Variants in MTF1 observed in about 807,000 individuals in gnomAD.
MTF1 encodes the protein metal regulatory transcription factor 1, also known as MRE-binding transcription factor.
Under a neutral mutation model 70.4 loss-of-function variants are expected in MTF1, and 22 were observed. That is an observed-to-expected ratio of 0.31 (90% confidence interval 0.22 to 0.45). The LOEUF is 0.45. MTF1 is among the 20% of genes least tolerant of loss of function. The probability of loss-of-function intolerance (pLI) is 1.00; values close to 1 mark genes in which losing one functional copy is unlikely to be tolerated. For synonymous variants in MTF1, 333 were observed against 352.8 expected (o/e 0.94, Z 0.63); for missense variants, 649 against 922.0 (o/e 0.70, Z 3.83).
chr1:37,824,912 C>G (rs1640978740), intron 7 of MTF1, among the ~76,000 whole-genome samples: 1 of 151,844 alleles, frequency 6.6e-6, no homozygotes, highest in Non-Finnish European at 1.5e-5. Flanking sequence ...GGGGGGAGAC[C>G]CAACACAATG....
Position 37,840,843 on chromosome 1 carries a change from G to C in MTF1, c.409-685C>G, listed in dbSNP as rs1641244230. ...TCAAATGGCAGATGACTCTAGTGCA[G>C]TGGAGGGCCTGGAATGGGAGGCCCA... On this transcript the variant is annotated intron_variant, in intron 2 of 10. Coordinates refer to ENST00000373036, the MANE Select transcript of MTF1 (RefSeq NM_005955.3). The surrounding 1 kb of genome is among the most constrained non-coding windows in gnomAD (Gnocchi z 4.5). 1 of 256,042 alleles carries C rather than the reference G, an allele frequency of 3.9e-6. No homozygotes were observed. Among genetic ancestry groups the C allele is most frequent in the Admixed American group, 5.5e-5 (1 of 18,348 alleles). 15.9% of individuals were successfully genotyped at this position (256,042 alleles called of 1,614,324 possible).
At chr1:37,846,391 T>TG (rs1641332566) in intron 2 of MTF1, among the ~76,000 whole-genome samples, 1 of 113,296 alleles carries the variant, frequency 8.8e-6, no homozygotes, top group Non-Finnish European at 1.9e-5. Context: ...AGACCCCATT[T>TG]AAAAAAAAAA....
chr1:37,820,559 T>C lies in MTF1; in HGVS notation c.1767+1562A>G, dbSNP rs190818966. On this transcript the variant is annotated intron_variant, in intron 9 of 10. Coordinates refer to ENST00000373036, the MANE Select transcript of MTF1 (RefSeq NM_005955.3). The stretch of plus-strand genomic sequence containing the variant: ...GTTAAAATGTGTTTTGTGTGACATA[T>C]AGAGCTGCAGCTATACAGAGATAGT... 6.6e-5 allele frequency among the ~76,000 whole-genome samples: 10 copies of C among 152,082 alleles called. No homozygotes were observed. The East Asian group carries it at 1.7e-3, about 26-fold the overall frequency.
intron 9 of MTF1, among the ~76,000 whole-genome samples, chr1:37,819,951 C>CAAAAAAAAA (rs766621404): frequency 3.6e-4 from 30 of 82,690 alleles, no homozygotes; most frequent in Middle Eastern, 0.013. Flanking sequence ...GACTCTGACT[C>CAAAAAAAAA]AAAAAAAAAA....
chr1:37,832,916 G>GA (rs1419727958), intron 6 of MTF1, among the ~76,000 whole-genome samples: 1 of 151,782 alleles, frequency 6.6e-6, no homozygotes, highest in East Asian at 1.9e-4. Context: ...TGAGGCAGGA[G>GA]AATCACTTGA....
chr1:37,822,713 G>A lies in MTF1; in HGVS notation c.1175C>T (p.Ser392Phe). ...ATCACCATTAAAACTTTCAGTCAAGGAAGCTGGCAAGAAAAAGAAATAGAA... is the reference window on the plus strand; with the variant it reads ...ATCACCATTAAAACTTTCAGTCAAGAAAGCTGGCAAGAAAAAGAAATAGAA... ...AIQEDPQQTA[S>F]LTESFNGDAE... The change falls in exon 9 of 11, where the codon TCC becomes TTC. Residue 392 changes from serine to phenylalanine, a missense_variant. Ser to Phe is a radical substitution (Grantham distance 155). Coordinates refer to ENST00000373036, the MANE Select transcript of MTF1 (RefSeq NM_005955.3). The A allele has an allele frequency of 1.2e-6, 2 of 1,604,530 alleles. No homozygotes were observed. Among genetic ancestry groups the A allele is most frequent in the South Asian group, 1.1e-5 (1 of 90,964 alleles).
In MTF1 at chr1:37,857,335, G is replaced by A; in HGVS notation, c.324C>T (p.Asn108=). 1.2e-6 allele frequency: 2 copies of A among 1,614,172 alleles called. No individual in the cohort carries two copies. Among genetic ancestry groups the A allele is most frequent in the Non-Finnish European group, 1.7e-6 (2 of 1,180,012 alleles). Residue 108 remains asparagine, a synonymous_variant, in exon 2 of 11, where the codon AAC becomes AAT. Coordinates refer to ENST00000373036, the MANE Select transcript of MTF1 (RefSeq NM_005955.3). ...TTCTTGGCATGGGTGTGGAACCAGG[G>A]TTTATTGTCAAATGAATCTGATCTG... ...ISPDQIHLTI[N]PGSTPMPRNI...
chr1:37,830,303 C>T (rs1641067578), intron 7 of MTF1, among the ~76,000 whole-genome samples: 1 of 152,168 alleles, frequency 6.6e-6, no homozygotes, highest in African/African-American at 2.4e-5. Context: ...TTCAACTCAA[C>T]TGATTCTTTC....
In MTF1 at chr1:37,840,074, G is replaced by C; in HGVS notation, c.493C>G (p.Arg165Gly). The change falls in exon 3 of 11, where the codon CGA becomes GGA. Residue 165 changes from arginine to glycine, a missense_variant. Arg to Gly is a moderately radical substitution (Grantham distance 125, BLOSUM62 -2). Coordinates refer to ENST00000373036, the MANE Select transcript of MTF1 (RefSeq NM_005955.3). This position sits in a 1 kb window ranked among gnomAD's most constrained non-coding sequence, Gnocchi z 4.5. ...TTACAGACAAAGGTGTACTCTCCTC[G>C]GTGAGTCTTCTGGTGGGTTCGCAGG... ...GNLRTHQKTH[R>G]GEYTFVCNQE... The C allele has an allele frequency of 6.2e-7, 1 of 1,614,234 alleles. No homozygotes were observed. The highest frequency in any genetic ancestry group is 8.5e-7 in the Non-Finnish European group (1 of 1,180,050).
intron 7 of MTF1, among the ~76,000 whole-genome samples, chr1:37,826,036 G>A (rs561522235): frequency 2.6e-5 from 4 of 152,156 alleles, no homozygotes; most frequent in African/African-American, 9.6e-5. Flanking sequence ...GTTGTTCAAG[G>A]GTCACATGTA....
chr1:37,820,102 A>G (rs1040933083), intron 9 of MTF1, among the ~76,000 whole-genome samples: 3 of 152,148 alleles, frequency 2.0e-5, no homozygotes, highest in Non-Finnish European at 4.4e-5. Context: ...GGGTCACAAT[A>G]CTGGAAAGCC....
At position 37,814,097 on chromosome 1, in the gene MTF1, T is replaced by TG. The variant is rs1327398021; in HGVS notation, c.*1038dup. 1 of 152,952 alleles carries TG rather than the reference T, an allele frequency of 6.5e-6. No individual in the cohort carries two copies. The highest frequency in any genetic ancestry group is 3.2e-3 in the Middle Eastern group (1 of 314). 9.5% of individuals were successfully genotyped at this position (152,952 alleles called of 1,614,324 possible). On this transcript the variant is annotated 3_prime_UTR_variant, in exon 11 of 11. Transcript: ENST00000373036. ...TGCAAAATCCAGAGGGGGGCAGAGA[T>TG]GGAGGGGGCAACCCAAAGCCTGGCT...
At chr1:37,846,138 A>T (rs1177844086) in intron 2 of MTF1, among the ~76,000 whole-genome samples, 3 of 152,226 alleles carry the variant, frequency 2.0e-5, no homozygotes, top group African/African-American at 7.2e-5. Flanking sequence ...TCCAGAAATT[A>T]TACTGTCCTG....
intron 2 of MTF1, among the ~76,000 whole-genome samples, chr1:37,854,228 C>T (rs1420764103): frequency 6.6e-6 from 1 of 152,196 alleles, no homozygotes; most frequent in Non-Finnish European, 1.5e-5. Context: ...AGGCTAGTCT[C>T]GAACTCCTGA....
At chr1:37,855,813 C>T (rs1371500114) in intron 2 of MTF1, among the ~76,000 whole-genome samples, 1 of 152,050 alleles carries the variant, frequency 6.6e-6, no homozygotes, top group Non-Finnish European at 1.5e-5. Flanking sequence ...AAAAAATTAG[C>T]TGGGCATGGT....
At chr1:37,817,767 T>C (rs1640842242) in intron 9 of MTF1, among the ~76,000 whole-genome samples, 1 of 152,200 alleles carries the variant, frequency 6.6e-6, no homozygotes, top group Non-Finnish European at 1.5e-5. Flanking sequence ...TCCTCCAAGG[T>C]TGCTTTTCTC....
At position 37,845,232 on chromosome 1, in the gene MTF1, G is replaced by C. The variant is rs146196341; in HGVS notation, c.409-5074C>G. ...AGGACTACAAGTGACATGTGACAAA[G>C]GAATAGTTTCAAGGAGAATGGTCAA... On this transcript the variant is annotated intron_variant, in intron 2 of 10. Transcript: ENST00000373036. Among the ~76,000 whole-genome samples, 33 of 152,314 alleles carry C rather than the reference G, an allele frequency of 2.2e-4. No homozygotes were observed. The East Asian group carries it at 5.6e-3, about 26-fold the overall frequency.
intron 2 of MTF1, among the ~76,000 whole-genome samples, chr1:37,850,089 AGTAG>A (rs1266667960): frequency 6.6e-6 from 1 of 151,674 alleles, no homozygotes; most frequent in African/African-American, 2.4e-5. Context: ...ACCACCAAAA[AGTAG>A]CCGGCACAGT....
rs1314090714 is a variant in MTF1 at position 37,822,408 on chromosome 1, G to A, written c.1480C>T (p.Pro494Ser). Residue 494 changes from proline (P) to serine (S), a missense_variant, in exon 9 of 11, where the codon CCC becomes TCC. By Grantham distance (74) the Pro-to-Ser change is moderately conservative. Transcript: ENST00000373036. Reference protein sequence around the residue: ...EFLPHPQAPQPIVPGLSVVAG... With the variant: ...EFLPHPQAPQSIVPGLSVVAG... ...ACAACAGAAAGTCCTGGTACAATGG[G>A]CTGCGGTGCCTGGGGGTGCGGAAGA... 1.2e-6 allele frequency: 2 copies of A among 1,614,068 alleles called. No individual in the cohort carries two copies. The highest frequency in any genetic ancestry group is 2.2e-5 in the East Asian group (1 of 44,904).
Sources: gnomAD v4.1 joint callset for allele counts (sites outside exome capture counted in the v4.1 genomes callset) on GRCh38, gnomAD v4.1.1 for gene constraint, Gnocchi (gnomAD v3.1) non-coding constraint, MANE v1.5 for transcripts, NCBI Gene and HGNC (gene_info 2026-07-23, HGNC 2026-07-21) for gene names.